Variants in HEATR6 observed in about 807,000 individuals in gnomAD.
HEATR6 encodes the protein HEAT repeat containing 6.
HEATR6 carries 106 observed loss-of-function variants against 132.8 expected under a neutral mutation model. The observed-to-expected ratio is 0.80, with a 90% confidence interval of 0.68 to 0.94. The LOEUF is 0.94. Among genes scored for constraint, HEATR6 ranks in the 40% least tolerant of loss-of-function variants. The pLI, the probability that HEATR6 is intolerant of heterozygous loss-of-function variation, is 0.00. For missense variants in HEATR6, 1,339 were observed against 1,425.1 expected (o/e 0.94, Z 0.97); for synonymous variants, 529 against 537.8 (o/e 0.98, Z 0.23).
In HEATR6 at chr17:60,043,623, C is replaced by T. The variant is rs1225993694; in HGVS notation, c.3486G>A (p.Leu1162=). 3.1e-6 allele frequency: 5 copies of T among 1,613,976 alleles called. No individual in the cohort carries two copies. Among genetic ancestry groups the T allele is most frequent in the East Asian group, 2.2e-5 (1 of 44,884 alleles). The change falls in exon 20 of 20, where the codon CTG becomes CTA. Residue 1162 remains leucine, a synonymous_variant. Coordinates refer to ENST00000184956, the MANE Select transcript of HEATR6 (RefSeq NM_022070.5). ...RAIMGFLEEI[L]AVCFDSSGSQ... Reference sequence around the variant, plus strand: ...ATCCAGATGAGTCAAAACAAACGGCCAGGATCTCTTCTAAAAAGCCCATGA... The same window carrying T: ...ATCCAGATGAGTCAAAACAAACGGCTAGGATCTCTTCTAAAAAGCCCATGA...
intron 13 of HEATR6, among the ~76,000 whole-genome samples, chr17:60,055,862 T>C (rs1906727353): frequency 6.6e-6 from 1 of 152,252 alleles, no homozygotes; most frequent in Non-Finnish European, 1.5e-5. Flanking sequence ...AACAGAGGCA[T>C]TCTTTCAAGG....
At chr17:60,047,897 CT>C (rs1329449194) in intron 17 of HEATR6, among the ~76,000 whole-genome samples, 5 of 152,268 alleles carry the variant, frequency 3.3e-5, no homozygotes, top group African/African-American at 1.2e-4. Context: ...ACACTGAATG[CT>C]GCTTTGTACT....
At chr17:60,068,875 A>C (rs546299752) in intron 7 of HEATR6, among the ~76,000 whole-genome samples, 1 of 152,276 alleles carries the variant, frequency 6.6e-6, no homozygotes, top group East Asian at 1.9e-4. Context: ...GAGAGAAACA[A>C]TAATATTGCA....
At chr17:60,052,793 G>C (rs1906625307) in intron 14 of HEATR6, among the ~76,000 whole-genome samples, 1 of 152,152 alleles carries the variant, frequency 6.6e-6, no homozygotes, top group African/African-American at 2.4e-5. Flanking sequence ...ACAGTGTAGG[G>C]GTAGCAGAAA....
intron 9 of HEATR6, among the ~76,000 whole-genome samples, chr17:60,064,977 C>T (rs2083232501): frequency 1.3e-5 from 2 of 152,168 alleles, no homozygotes; most frequent in Admixed American, 1.3e-4. Context: ...TGCTCCACAG[C>T]ACCATCTCGT....
At chr17:60,070,353 G>T (rs2083264336) in intron 6 of HEATR6, among the ~76,000 whole-genome samples, 2 of 152,020 alleles carry the variant, frequency 1.3e-5, no homozygotes, top group Admixed American at 1.3e-4. Context: ...CACACGTCTT[G>T]GTTGGCCTGT....
chr17:60,045,068 G>T (rs1906317386), intron 19 of HEATR6, among the ~76,000 whole-genome samples: 1 of 152,290 alleles, frequency 6.6e-6, no homozygotes, highest in East Asian at 1.9e-4. Context: ...AGTAGGCTGA[G>T]GGCAAGGGCC....
intron 11 of HEATR6, among the ~76,000 whole-genome samples, chr17:60,058,517 G>T (rs1228525793): frequency 2.0e-5 from 3 of 152,228 alleles, no homozygotes; most frequent in Admixed American, 2.0e-4. Flanking sequence ...TGCCATGAAT[G>T]TGATGGGAAA....
chr17:60,054,862 GGAACAT>G (rs1163346950), intron 14 of HEATR6, among the ~76,000 whole-genome samples: 1 of 152,156 alleles, frequency 6.6e-6, no homozygotes, highest in African/African-American at 2.4e-5. Context: ...TACAGTGAGA[GGAACAT>G]GAGATTTGTG....
At chr17:60,060,442 T>TA (rs996498843) in intron 9 of HEATR6, among the ~76,000 whole-genome samples, 13 of 151,122 alleles carry the variant, frequency 8.6e-5, no homozygotes, top group Non-Finnish European at 1.2e-4. Flanking sequence ...CACACCTGGC[T>TA]AAAAAAAAAT....
At chr17:60,056,015 GAAGAATATA>G in intron 13 of HEATR6, 91 bp downstream of exon 13, 1 of 1,318,078 alleles carries the variant, frequency 7.6e-7, no homozygotes, top group African/African-American at 1.5e-5. Flanking sequence ...ACATGTGGCA[GAAGAATATA>G]AAGTGAAGAA....
intron 1 of HEATR6, among the ~76,000 whole-genome samples, chr17:60,077,808 A>G (rs2083304025): frequency 6.6e-6 from 1 of 152,234 alleles, no homozygotes; most frequent in African/African-American, 2.4e-5. Context: ...CAGTCCAGGC[A>G]TAAGTCGCCT....
rs1337350669 is a variant in HEATR6 at position 60,072,250 on chromosome 17, T to C, written c.664A>G (p.Lys222Glu). ...GTGATATCATCCATATCAGATGATT[T>C]TGGAGACTGTAAAATAGTCAGAAAA... ...QAFLTILQSP[K>E]SSDMDDITFC... Residue 222 changes from lysine (K) to glutamate (E), a missense_variant, in exon 5 of 20, where the codon AAA becomes GAA. Physicochemically the swap from Lys to Glu is moderately conservative, Grantham distance 56 (BLOSUM62 1). Coordinates refer to ENST00000184956, the MANE Select transcript of HEATR6 (RefSeq NM_022070.5). 1.9e-6 allele frequency: 3 copies of C among 1,607,230 alleles called. No individual in the cohort carries two copies. The highest frequency in any genetic ancestry group is 2.6e-6 in the Non-Finnish European group (3 of 1,175,042).
chr17:60,055,664 ACACC>A, intron 13 of HEATR6, 63 bp from the exon 14 acceptor site: 1 of 1,145,906 alleles, frequency 8.7e-7, no homozygotes, highest in Non-Finnish European at 1.3e-6. Flanking sequence ...CACTTGAGTA[ACACC>A]TTCACTCTAG....
At chr17:60,045,365 G>C (rs1314616505) in intron 19 of HEATR6, among the ~76,000 whole-genome samples, 3 of 152,208 alleles carry the variant, frequency 2.0e-5, no homozygotes, top group Admixed American at 1.3e-4. Flanking sequence ...GAGAGAGAGA[G>C]ATGCAATAAA....
intron 2 of HEATR6, 41 bp from the exon 3 acceptor site, chr17:60,073,927 A>G (rs1282032465): frequency 1.3e-6 from 2 of 1,595,600 alleles, no homozygotes; most frequent in African/African-American, 2.7e-5. Flanking sequence ...CTAACTTTTA[A>G]AAAATATTAT....
Position 60,041,731 on chromosome 17 carries a change from A to G in HEATR6, c.*1832T>C, listed in dbSNP as rs1235812631. Among the ~76,000 whole-genome samples the G allele has an allele frequency of 6.6e-6, 1 of 152,210 alleles. No homozygotes were observed. The highest frequency in any genetic ancestry group is 1.5e-5 in the Non-Finnish European group (1 of 68,046). On this transcript the variant is annotated 3_prime_UTR_variant, in exon 20 of 20. Coordinates refer to ENST00000184956, the MANE Select transcript of HEATR6 (RefSeq NM_022070.5). ...ACCCTGTTCCCCAATCACTGCCCAGAGAGCAGTTTCTGAGCAGCCAACATG... is the reference window on the plus strand; with the variant it reads ...ACCCTGTTCCCCAATCACTGCCCAGGGAGCAGTTTCTGAGCAGCCAACATG...
intron 9 of HEATR6, among the ~76,000 whole-genome samples, chr17:60,065,764 A>T (rs565246561): frequency 6.6e-6 from 1 of 152,334 alleles, no homozygotes; most frequent in African/African-American, 2.4e-5. Flanking sequence ...ATAATTCTAT[A>T]TCCTGTGTTT....
At chr17:60,066,067 T>C (rs1043073758) in intron 9 of HEATR6, 142 bp downstream of exon 9, 3 of 671,672 alleles carry the variant, frequency 4.5e-6, no homozygotes, top group Admixed American at 3.2e-5. Flanking sequence ...CCTATTTTCC[T>C]GTCTGTCCAG....
Sources: gnomAD v4.1 joint callset for allele counts (sites outside exome capture counted in the v4.1 genomes callset) on GRCh38, gnomAD v4.1.1 for gene constraint, MANE v1.5 for transcripts, NCBI Gene and HGNC (gene_info 2026-07-23, HGNC 2026-07-21) for gene names.